MCTP1: variants seen among roughly 807,000 people sequenced by gnomAD.
MCTP1 encodes multiple C2 and transmembrane domain containing 1, also known as multiple C2 and transmembrane domain-containing protein 1.
MCTP1 carries 69 observed loss-of-function variants against 120.6 expected under a neutral mutation model. The ratio of observed to expected loss-of-function variants is 0.57; its 90% CI spans 0.47 to 0.70. The LOEUF (loss-of-function observed/expected upper bound fraction) is 0.70, where lower values mean the gene tolerates loss of function less well. Among genes scored for constraint, MCTP1 ranks in the 30% least tolerant of loss-of-function variants. The probability of loss-of-function intolerance (pLI) is 0.00; values close to 1 mark genes in which losing one functional copy is unlikely to be tolerated. For synonymous variants in MCTP1, 529 were observed against 493.1 expected (o/e 1.07, Z -0.96); for missense variants, 1,203 against 1,248.8 (o/e 0.96, Z 0.55).
intron 19 of MCTP1, among the ~76,000 whole-genome samples, chr5:94,749,540 A>G (rs1391557764): frequency 1.3e-5 from 2 of 151,700 alleles, no homozygotes; most frequent in African/African-American, 2.4e-5. Context: ...CTGTAATCCC[A>G]GCTGCTCAGG....
chr5:94,871,637 C>A (rs183307384), intron 13 of MCTP1, among the ~76,000 whole-genome samples: 1 of 152,036 alleles, frequency 6.6e-6, no homozygotes, highest in Admixed American at 6.6e-5. Flanking sequence ...ACTTTAAACA[C>A]CTTGTAATTT....
chr5:94,818,215 C>A (rs153896), intron 17 of MCTP1, among the ~76,000 whole-genome samples: 131,690 of 152,228 alleles, frequency 0.87, 57,413 homozygotes, highest in East Asian at 0.98. Context: ...TGATTGAATT[C>A]TTTTAGCCCC....
intron 1 of MCTP1, 79 bp downstream of exon 1, chr5:95,283,777 C>A (rs1035376596): frequency 3.4e-6 from 4 of 1,187,644 alleles, no homozygotes; most frequent in Non-Finnish European, 4.3e-6. Flanking sequence ...CCCCGCCCCC[C>A]GCTCCCCGGG....
chr5:95,081,474 G>A lies in MCTP1; in HGVS notation c.721-63990C>T, dbSNP rs201579517. 1.4e-5 allele frequency: 22 copies of A among 1,611,678 alleles called. No individual in the cohort carries two copies. The Admixed American group carries it at 3.0e-4, about 22-fold the overall frequency. On this transcript the variant is annotated intron_variant, in intron 1 of 22. Coordinates refer to ENST00000515393, the MANE Select transcript of MCTP1 (RefSeq NM_024717.7). ...TGCAGGCACTTTTCAGCTTGCAGCT[G>A]TCTAGCATAGTTGATTAGAAATGAA...
intron 1 of MCTP1, among the ~76,000 whole-genome samples, chr5:95,248,128 T>G (rs1331919934): frequency 2.0e-5 from 3 of 152,162 alleles, no homozygotes; most frequent in African/African-American, 7.2e-5. Context: ...AAGGATGCCC[T>G]TTCTCACCAC....
intron 17 of MCTP1, among the ~76,000 whole-genome samples, chr5:94,848,386 T>TG (rs990006248): frequency 1.3e-5 from 2 of 152,032 alleles, no homozygotes; most frequent in African/African-American, 4.8e-5. Flanking sequence ...CCTACAGCCT[T>TG]GGGGGTCACC....
chr5:94,736,716 A>C (rs748684325), intron 19 of MCTP1, among the ~76,000 whole-genome samples: 3 of 152,194 alleles, frequency 2.0e-5, no homozygotes, highest in Non-Finnish European at 4.4e-5. Context: ...CACAGAGTCC[A>C]TGAAGATCTC....
chr5:94,737,398 C>A (rs1764528833), intron 19 of MCTP1, among the ~76,000 whole-genome samples: 1 of 152,142 alleles, frequency 6.6e-6, no homozygotes, highest in Non-Finnish European at 1.5e-5. Flanking sequence ...TAGAATAAAG[C>A]ATAATTTCAA....
At chr5:95,094,081 C>G (rs1275407505) in intron 1 of MCTP1, among the ~76,000 whole-genome samples, 3 of 152,238 alleles carry the variant, frequency 2.0e-5, no homozygotes, top group African/African-American at 4.8e-5. Context: ...CAGAGATTAG[C>G]TGCCCTTGTC....
At chr5:95,160,755 G>A (rs1054672457) in intron 1 of MCTP1, among the ~76,000 whole-genome samples, 2 of 151,782 alleles carry the variant, frequency 1.3e-5, no homozygotes, top group Non-Finnish European at 2.9e-5. Flanking sequence ...TAACTCAATA[G>A]CAAGAAAACA....
At chr5:95,173,806 G>A (rs251077) in intron 1 of MCTP1, among the ~76,000 whole-genome samples, 108,816 of 150,204 alleles carry the variant, frequency 0.72, 39,926 homozygotes, top group African/African-American at 0.77. Flanking sequence ...GTTAATAGAG[G>A]CTATGAAGGG....
chr5:94,885,437 T>C (rs1801079094), intron 12 of MCTP1, among the ~76,000 whole-genome samples: 1 of 152,068 alleles, frequency 6.6e-6, no homozygotes, highest in Non-Finnish European at 1.5e-5. Flanking sequence ...GTCTAAATAC[T>C]CTGCAAAGAA....
chr5:95,151,710 A>G (rs1165242000), intron 1 of MCTP1, among the ~76,000 whole-genome samples: 3 of 152,178 alleles, frequency 2.0e-5, no homozygotes, highest in East Asian at 1.9e-4. Context: ...TGACTTTGCT[A>G]TTAAGATTAG....
rs114759714 is a variant in MCTP1 at position 95,029,920 on chromosome 5, T to C, written c.721-12436A>G. 3.7e-3 allele frequency among the ~76,000 whole-genome samples: 567 copies of C among 152,298 alleles called. 5 individuals carry two copies. The highest frequency in any genetic ancestry group is 0.013 in the African/African-American group (531 of 41,558). On this transcript the variant is annotated intron_variant, in intron 1 of 22. Coordinates refer to ENST00000515393, the MANE Select transcript of MCTP1 (RefSeq NM_024717.7). ...CCCACAAATATACACCACAACCTGC[T>C]CTGACATTGGCAAGCACAGCTTACA... is the stretch of plus-strand genomic sequence containing the variant.
chr5:95,132,838 C>G (rs989090457), intron 1 of MCTP1, among the ~76,000 whole-genome samples: 5 of 152,148 alleles, frequency 3.3e-5, no homozygotes, highest in African/African-American at 1.2e-4. Context: ...TTATACTTGT[C>G]TCTTTACTAA....
intron 12 of MCTP1, among the ~76,000 whole-genome samples, chr5:94,884,305 T>C (rs995209203): frequency 2.6e-5 from 4 of 152,330 alleles, no homozygotes; most frequent in African/African-American, 9.6e-5. Context: ...GCTCAATTAA[T>C]TGTACAGAGG....
At chr5:94,738,769 C>G (rs922974457) in intron 19 of MCTP1, among the ~76,000 whole-genome samples, 1 of 152,174 alleles carries the variant, frequency 6.6e-6, no homozygotes, top group Admixed American at 6.5e-5. Context: ...GTGAAAAACA[C>G]CTTGAGGACG....
intron 1 of MCTP1, among the ~76,000 whole-genome samples, chr5:95,258,687 G>T (rs979080880): frequency 6.6e-6 from 1 of 152,140 alleles, no homozygotes; most frequent in African/African-American, 2.4e-5. Flanking sequence ...CTATATTTGC[G>T]ATTTTTCTTT....
intron 17 of MCTP1, among the ~76,000 whole-genome samples, chr5:94,857,633 C>T (rs1794953461): frequency 6.6e-6 from 1 of 151,340 alleles, no homozygotes; most frequent in African/African-American, 2.4e-5. Context: ...GAAACAGAAA[C>T]CTATGTTGTT....
Sources: gnomAD v4.1 joint callset for allele counts (sites outside exome capture counted in the v4.1 genomes callset) on GRCh38, gnomAD v4.1.1 for gene constraint, MANE v1.5 for transcripts, NCBI Gene and HGNC (gene_info 2026-07-23, HGNC 2026-07-21) for gene names.